Variants in LRRK2 observed in about 807,000 individuals in gnomAD.
LRRK2 encodes leucine-rich repeat serine/threonine-protein kinase 2.
LRRK2 carries 203 observed loss-of-function variants against 302.6 expected under a neutral mutation model. That is an observed-to-expected ratio of 0.67 (90% CI 0.60 to 0.75). The LOEUF (loss-of-function observed/expected upper bound fraction) is 0.75. LRRK2 is among the 30% of genes least tolerant of loss of function. The pLI is 0.00. For missense variants in LRRK2, 2,830 were observed against 2,951.0 expected (o/e 0.96, Z 0.95); for synonymous variants, 1,066 against 1,031.9 (o/e 1.03, Z -0.63).
intron 11 of LRRK2, among the ~76,000 whole-genome samples, chr12:40,253,652 C>A (rs932085788): frequency 1.3e-5 from 2 of 152,230 alleles, no homozygotes; most frequent in African/African-American, 4.8e-5. Context: ...GCTGGGATTA[C>A]AGGCATGAAC....
intron 16 of LRRK2, among the ~76,000 whole-genome samples, chr12:40,276,527 C>T (rs1442675353): frequency 6.6e-6 from 1 of 152,210 alleles, no homozygotes; most frequent in African/African-American, 2.4e-5. Context: ...AACTCCTGAC[C>T]TCAAGTGATT....
In LRRK2 at chr12:40,310,446, T is replaced by C; in HGVS notation, c.4333T>C (p.Ser1445Pro). ...LFNIKARASS[S>P]PVILVGTHLD... The stretch of plus-strand genomic sequence containing the variant: ...TTCCCTCCAGGCTCGCGCTTCTTCT[T>C]CCCCTGTGATTCTCGTTGGCACACA... The change falls in exon 31 of 51, where the codon TCC becomes CCC. Residue 1445 changes from serine to proline, a missense_variant. Physicochemically the swap from Ser to Pro is moderately conservative, Grantham distance 74. This residue lies in a region of LRRK2 where 2,121 missense variants were observed against 2,148.0 expected (regional missense o/e 0.99). Coordinates refer to ENST00000298910, the MANE Select transcript of LRRK2 (RefSeq NM_198578.4). The C allele has an allele frequency of 1.9e-6, 3 of 1,613,178 alleles. No individual in the cohort carries two copies. Among genetic ancestry groups the C allele is most frequent in the Non-Finnish European group, 2.5e-6 (3 of 1,179,750 alleles).
In LRRK2 at chr12:40,310,453, T is replaced by G. The variant is rs1370212278; in HGVS notation, c.4340T>G (p.Val1447Gly). 1.1e-5 allele frequency: 18 copies of G among 1,613,274 alleles called. No homozygotes were observed. The highest frequency in any genetic ancestry group is 2.7e-5 in the African/African-American group (2 of 74,660). ...CAGGCTCGCGCTTCTTCTTCCCCTG[T>G]GATTCTCGTTGGCACACATTTGGAT... The part of the protein sequence containing the change: ...NIKARASSSP[V>G]ILVGTHLDVS... Residue 1447 changes from valine to glycine, a missense_variant, in exon 31 of 51, where the codon GTG becomes GGG. Val to Gly is a moderately radical substitution (Grantham distance 109). Coordinates refer to ENST00000298910, the MANE Select transcript of LRRK2 (RefSeq NM_198578.4).
chr12:40,284,860 T>C (rs58793646), intron 19 of LRRK2, among the ~76,000 whole-genome samples: 3,614 of 152,190 alleles, frequency 0.024, 159 homozygotes, highest in African/African-American at 0.082. Flanking sequence ...AAGTAACATG[T>C]TTGCTTCTCT....
In LRRK2 at chr12:40,225,067, C is replaced by T; in HGVS notation, c.-65C>T. 1 of 1,605,844 alleles carries T rather than the reference C, an allele frequency of 6.2e-7. No individual in the cohort carries two copies. The highest frequency in any genetic ancestry group is 1.1e-5 in the South Asian group (1 of 90,392). On this transcript the variant is annotated 5_prime_UTR_variant, in exon 1 of 51. Coordinates refer to ENST00000298910, the MANE Select transcript of LRRK2 (RefSeq NM_198578.4). ...CCCCGGGGAGCTGTGGCCGGCGCCC[C>T]TGCCGGTTCCCTGAGCAGCGGACGT...
chr12:40,292,775 A>T (rs1444152471), intron 20 of LRRK2, among the ~76,000 whole-genome samples: 1 of 151,840 alleles, frequency 6.6e-6, no homozygotes, highest in Non-Finnish European at 1.5e-5. Flanking sequence ...ATCATAATTA[A>T]TTTTTCACAA....
intron 14 of LRRK2, among the ~76,000 whole-genome samples, chr12:40,268,729 A>C (rs1943118880): frequency 6.6e-6 from 1 of 152,178 alleles, no homozygotes. Flanking sequence ...CCTAACTCCA[A>C]AAGATAATCA....
chr12:40,343,793 G>A (rs1282437261), intron 41 of LRRK2, among the ~76,000 whole-genome samples: 1 of 151,922 alleles, frequency 6.6e-6, no homozygotes, highest in Admixed American at 6.6e-5. Context: ...CATTTACTAA[G>A]CATCAAACTG....
chr12:40,273,344 A>G (rs535902882), intron 14 of LRRK2, among the ~76,000 whole-genome samples: 1 of 152,286 alleles, frequency 6.6e-6, no homozygotes, highest in African/African-American at 2.4e-5. Context: ...AAAAATGTCA[A>G]GGGAGACTAT....
chr12:40,313,154 G>A (rs1161991611), intron 31 of LRRK2, among the ~76,000 whole-genome samples: 1 of 151,916 alleles, frequency 6.6e-6, no homozygotes, highest in Non-Finnish European at 1.5e-5. Context: ...AATTTCCATA[G>A]GTCCAGAAAT....
At chr12:40,252,677 T>A (rs1173207040) in intron 10 of LRRK2, among the ~76,000 whole-genome samples, 4 of 152,188 alleles carry the variant, frequency 2.6e-5, no homozygotes, top group Admixed American at 2.6e-4. Context: ...TGAGCTTTTT[T>A]ATTTCTCTCT....
In LRRK2 at chr12:40,303,956, C is replaced by T; in HGVS notation, c.3599C>T (p.Ser1200Phe). ...EAILNLPHLRSLDMSSNDIQY... is the reference protein window; with the variant it reads ...EAILNLPHLRFLDMSSNDIQY... ...TCTGTGTATTGTTTTAGCTTGCGGT[C>T]TTTAGATATGAGCAGCAATGATATT... The change falls in exon 27 of 51, where the codon TCT becomes TTT. Residue 1200 changes from serine to phenylalanine, a missense_variant. By Grantham distance (155) the Ser-to-Phe change is radical. Coordinates refer to ENST00000298910, the MANE Select transcript of LRRK2 (RefSeq NM_198578.4). The T allele has an allele frequency of 6.2e-7, 1 of 1,613,594 alleles. No homozygotes were observed. The highest frequency in any genetic ancestry group is 8.5e-7 in the Non-Finnish European group (1 of 1,179,668).
At chr12:40,277,128 T>G (rs1400112464) in intron 16 of LRRK2, among the ~76,000 whole-genome samples, 1 of 152,184 alleles carries the variant, frequency 6.6e-6, no homozygotes, top group African/African-American at 2.4e-5. Flanking sequence ...TCTAGCCAAT[T>G]TTATTAATAT....
chr12:40,289,964 T>C (rs906347804), intron 20 of LRRK2, among the ~76,000 whole-genome samples: 1 of 151,930 alleles, frequency 6.6e-6, no homozygotes, highest in African/African-American at 2.4e-5. Context: ...CCTCCAGTAC[T>C]ATGTTGAATA....
chr12:40,296,921 T>C (rs1251143632), intron 23 of LRRK2, among the ~76,000 whole-genome samples: 1 of 152,158 alleles, frequency 6.6e-6, no homozygotes, highest in Non-Finnish European at 1.5e-5. Context: ...TTCATCACTC[T>C]CTGCTTCTCT....
intron 41 of LRRK2, among the ~76,000 whole-genome samples, chr12:40,345,082 T>C (rs767597120): frequency 1.3e-5 from 2 of 152,156 alleles, no homozygotes; most frequent in African/African-American, 2.4e-5. Flanking sequence ...CCAAATTCAG[T>C]CATTTGCTCC....
chr12:40,247,898 C>T (rs1368004773), intron 7 of LRRK2, among the ~76,000 whole-genome samples: 1 of 151,154 alleles, frequency 6.6e-6, no homozygotes, highest in African/African-American at 2.4e-5. Flanking sequence ...AGATGAGGTC[C>T]TGTGGTTCAT....
intron 39 of LRRK2, among the ~76,000 whole-genome samples, chr12:40,332,256 A>C (rs1348466460): frequency 6.6e-6 from 1 of 152,156 alleles, no homozygotes; most frequent in East Asian, 1.9e-4. Flanking sequence ...CAGGGGCTGC[A>C]TGGGTGAGGG....
chr12:40,305,202 C>A lies in LRRK2; in HGVS notation c.3778-583C>A, dbSNP rs543240848. The stretch of plus-strand genomic sequence containing the variant: ...TACAAAAACCAAAAGAATTAAGTGT[C>A]TGACACTGTGAGGTTCAGCAAAACT... On this transcript the variant is annotated intron_variant, in intron 27 of 50. Coordinates refer to ENST00000298910, the MANE Select transcript of LRRK2 (RefSeq NM_198578.4). Among the ~76,000 whole-genome samples, 11 of 152,222 alleles carry A rather than the reference C, an allele frequency of 7.2e-5. No homozygotes were observed. In the South Asian group the frequency reaches 2.3e-3, roughly 32 times the overall value.
Sources: allele counts gnomAD v4.1 joint callset (sites outside exome capture counted in the v4.1 genomes callset), GRCh38; gene constraint gnomAD v4.1.1; regional missense constraint gnomAD v4.1.1; transcripts MANE v1.5; gene names NCBI Gene and HGNC (gene_info 2026-07-23, HGNC 2026-07-21).